Variants in CNNM3 observed in about 807,000 individuals in gnomAD.
The protein encoded by CNNM3 is cyclin and CBS domain divalent metal cation transport mediator 3.
CNNM3 carries 47 observed loss-of-function variants against 57.1 expected under a neutral mutation model. The ratio of observed to expected loss-of-function variants is 0.82; its 90% CI spans 0.65 to 1.05. The LOEUF (loss-of-function observed/expected upper bound fraction) is 1.05. CNNM3 is among the 50% of genes least tolerant of loss of function. The pLI is 0.00. For missense variants in CNNM3, 957 were observed against 973.7 expected, an observed-to-expected ratio of 0.98 and a Z score of 0.23; for synonymous variants, 507 against 478.2, an observed-to-expected ratio of 1.06 and a Z score of -0.79.
Position 96,834,926 on chromosome 2 carries a change from A to T in CNNM3, c.*2310A>T, listed in dbSNP as rs965078257. ...AAGGTAAGGGCCCCACGCACCCTTC[A>T]TCTAGTTTCCCTCCATGGTTACATC... On this transcript the variant is annotated 3_prime_UTR_variant, in exon 8 of 8. Transcript: ENST00000305510. 2.6e-5 allele frequency among the ~76,000 whole-genome samples: 4 copies of T among 152,178 alleles called. No homozygotes were observed. The highest frequency in any genetic ancestry group is 9.7e-5 in the African/African-American group (4 of 41,422).
Position 96,816,817 on chromosome 2 carries a change from G to T in CNNM3, c.540G>T (p.Ala180=). 4 of 1,030,818 alleles carry T rather than the reference G, an allele frequency of 3.9e-6. No homozygotes were observed. Among genetic ancestry groups the T allele is most frequent in the Non-Finnish European group, 4.6e-6 (4 of 862,418 alleles). The allele number at this position is 1,030,818 out of a possible 1,614,324, so 63.9% of individuals were successfully genotyped here. A position where few individuals can be genotyped will look rare whatever the true frequency, so the allele number is the denominator to read the frequency against. ...RESGSEAERA[A]ARRLEPARRW... ...GCGGCTCGGAGGCGGAGCGTGCGGC[G>T]GCGCGGCGTTTGGAGCCCGCGCGGC... The change falls in exon 1 of 8, where the codon GCG becomes GCT. Residue 180 remains alanine (A), a synonymous_variant. Coordinates refer to ENST00000305510, the MANE Select transcript of CNNM3 (RefSeq NM_017623.5).
rs1435452541 is a variant in CNNM3, at chr2:96,833,096, G to A, written c.*480G>A. The A allele has an allele frequency of 6.6e-6, 7 of 1,056,572 alleles. No homozygotes were observed. The African/African-American group carries it at 9.8e-5, about 15-fold the overall frequency. 65.4% of individuals were successfully genotyped at this position (1,056,572 alleles called of 1,614,324 possible). A position where few individuals can be genotyped will look rare whatever the true frequency, so the allele number is the denominator to read the frequency against. ...CCGAGAGCACCCATTTTGGCTGGGG[G>A]TTCAGATCGATGGCCTTGTCCATGT... On this transcript the variant is annotated 3_prime_UTR_variant, in exon 8 of 8. Transcript: ENST00000305510.
At chr2:96,836,501 A>G (rs188981637), downstream of CNNM3, 1 of 152,230 alleles carries the variant, frequency 6.6e-6, no homozygotes, top group East Asian at 1.9e-4. Flanking sequence ...TCAGCCTACC[A>G]AAGTGCTGGA....
In CNNM3 at chr2:96,835,230, C is replaced by T. The variant is rs1418470720; in HGVS notation, c.*2614C>T. On this transcript the variant is annotated 3_prime_UTR_variant, in exon 8 of 8. Transcript: ENST00000305510. ...GTCTTTTTTCACTCGGCGTCATTCT[C>T]GGGAGATCATCCAGGCATTGCATGT... Among the ~76,000 whole-genome samples, 2 of 152,184 alleles carry T rather than the reference C, an allele frequency of 1.3e-5. No individual in the cohort carries two copies. Among genetic ancestry groups the T allele is most frequent in the African/African-American group, 4.8e-5 (2 of 41,422 alleles).
intron 5 of CNNM3, 174 bp from the exon 6 acceptor site, chr2:96,828,393 C>A: frequency 1.1e-6 from 1 of 898,816 alleles, no homozygotes; most frequent in Non-Finnish European, 1.7e-6. Flanking sequence ...CCACTCCACC[C>A]CTGCAAAACC....
intron 1 of CNNM3, 126 bp from the exon 2 acceptor site, chr2:96,824,932 T>A (rs2079472908): frequency 9.8e-7 from 1 of 1,017,494 alleles, no homozygotes; most frequent in Non-Finnish European, 1.5e-6. Flanking sequence ...AGAGTGTGGC[T>A]CTGTGCCTGG....
At chr2:96,818,463 C>G (rs1291252148) in intron 1 of CNNM3, among the ~76,000 whole-genome samples, 1 of 151,358 alleles carries the variant, frequency 6.6e-6, no homozygotes, top group East Asian at 1.9e-4. Context: ...TTTGCCCAGC[C>G]TGGTCTCGAA....
downstream of CNNM3, chr2:96,837,024 G>T (rs1170912177): frequency 2.0e-5 from 3 of 152,090 alleles, no homozygotes; most frequent in Non-Finnish European, 1.5e-5. Context: ...AAGTCAGCTG[G>T]GCATATTTGT....
chr2:96,822,007 T>TAATA (rs1192990376), intron 1 of CNNM3, among the ~76,000 whole-genome samples: 2 of 144,208 alleles, frequency 1.4e-5, no homozygotes, highest in East Asian at 3.9e-4. Context: ...TTATTATTAT[T>TAATA]TTTTTTTTTT....
At position 96,832,862 on chromosome 2, in the gene CNNM3, G is replaced by A. The variant is rs1181585476; in HGVS notation, c.*246G>A. ...CAGCCCTCCAGGCCCGCCTCAGGAA[G>A]GAATGAAAGGAATGCCATCATCTCT... On this transcript the variant is annotated 3_prime_UTR_variant, in exon 8 of 8. Transcript: ENST00000305510. The A allele has an allele frequency of 3.3e-6, 5 of 1,497,934 alleles. No individual in the cohort carries two copies. The Admixed American group carries it at 1.0e-4, about 30-fold the overall frequency. The allele number at this position is 1,497,934 out of a possible 1,614,324, so 92.8% of individuals were successfully genotyped here. A position where few individuals can be genotyped will look rare whatever the true frequency, so the allele number is the denominator to read the frequency against.
chr2:96,824,026 T>C (rs997067454), intron 1 of CNNM3, among the ~76,000 whole-genome samples: 12 of 152,274 alleles, frequency 7.9e-5, no homozygotes, highest in African/African-American at 2.2e-4. Flanking sequence ...ACTTACAATA[T>C]ATTATTAAAC....
At chr2:96,826,235 G>A (rs972185080) in intron 2 of CNNM3, among the ~76,000 whole-genome samples, 1 of 151,644 alleles carries the variant, frequency 6.6e-6, no homozygotes. Context: ...TTTATTTTGA[G>A]ACGGTCTTGC....
chr2:96,820,726 TGGAAAGGTACGAG>T (rs1192231084), intron 1 of CNNM3, among the ~76,000 whole-genome samples: 1 of 152,020 alleles, frequency 6.6e-6, no homozygotes. Flanking sequence ...GAATGAGGTG[TGGAAAGGTACGAG>T]AACCAATGTA....
At chr2:96,822,694 C>G (rs1489056276) in intron 1 of CNNM3, among the ~76,000 whole-genome samples, 8 of 152,192 alleles carry the variant, frequency 5.3e-5, no homozygotes, top group Admixed American at 5.2e-4. Context: ...AAGAGTCTGA[C>G]CAGCTCCAAC....
intron 7 of CNNM3, chr2:96,829,437 A>C: frequency 5.9e-6 from 1 of 169,694 alleles, no homozygotes; most frequent in Non-Finnish European, 1.2e-5. Flanking sequence ...AGTAGCTGGG[A>C]ATACAGGCGC....
Position 96,832,977 on chromosome 2 carries a change from G to C in CNNM3, c.*361G>C, listed in dbSNP as rs554660711. 3.3e-4 allele frequency: 448 copies of C among 1,350,664 alleles called. 1 individual carries two copies. In the African/African-American group the frequency reaches 6.0e-3, roughly 18 times the overall value. 83.7% of individuals were successfully genotyped at this position (1,350,664 alleles called of 1,614,324 possible). A position where few individuals can be genotyped will look rare whatever the true frequency, so the allele number is the denominator to read the frequency against. On this transcript the variant is annotated 3_prime_UTR_variant, in exon 8 of 8. Coordinates refer to ENST00000305510, the MANE Select transcript of CNNM3 (RefSeq NM_017623.5). ...AGACCTCTTTGGGCTGAGCCACCTT[G>C]TGAGTGCAGTTACTGCCTTTGTGTG...
chr2:96,837,240 ATCT>A (rs1031637555), downstream of CNNM3: 4 of 152,220 alleles, frequency 2.6e-5, no homozygotes, highest in South Asian at 2.1e-4. Flanking sequence ...TCTACAAAAC[ATCT>A]TCTAGGATTT....
At chr2:96,825,339 C>A in intron 2 of CNNM3, 138 bp downstream of exon 2, 1 of 1,073,078 alleles carries the variant, frequency 9.3e-7, no homozygotes, top group Non-Finnish European at 1.3e-6. Context: ...CTGAGCCCTG[C>A]ATGGGTGCTG....
Position 96,834,476 on chromosome 2 carries a change from T to C in CNNM3, c.*1860T>C, listed in dbSNP as rs1476192765. ...CCTGCCACCTCAGCCTCCTGAGTAGTAGGGACTACAGGTAGGCACCACCAC... is the reference window on the plus strand; with the variant it reads ...CCTGCCACCTCAGCCTCCTGAGTAGCAGGGACTACAGGTAGGCACCACCAC... On this transcript the variant is annotated 3_prime_UTR_variant, in exon 8 of 8. Transcript: ENST00000305510. 1.3e-5 allele frequency among the ~76,000 whole-genome samples: 2 copies of C among 151,658 alleles called. No individual in the cohort carries two copies. The highest frequency in any genetic ancestry group is 4.8e-5 in the African/African-American group (2 of 41,260).
Sources: gnomAD v4.1 joint callset for allele counts (sites outside exome capture counted in the v4.1 genomes callset) on GRCh38, gnomAD v4.1.1 for gene constraint, MANE v1.5 for transcripts, NCBI Gene and HGNC (gene_info 2026-07-23, HGNC 2026-07-21) for gene names.